Variants in SMAGP observed in about 807,000 individuals in gnomAD.
SMAGP encodes small cell adhesion glycoprotein.
SMAGP carries 7 observed loss-of-function variants against 10.1 expected under a neutral mutation model. The observed-to-expected ratio is 0.70, with a 90% CI of 0.40 to 1.31. SMAGP has a LOEUF of 1.31. Among genes scored for constraint, SMAGP ranks in the 50% most tolerant of loss-of-function variants. SMAGP has a pLI of 0.01. For synonymous variants in SMAGP, 49 were observed against 47.2 expected, an observed-to-expected ratio of 1.04 and a Z score of -0.16; for missense variants, 113 against 116.5, an observed-to-expected ratio of 0.97 and a Z score of 0.14.
intron 2 of SMAGP, among the ~76,000 whole-genome samples, chr12:51,252,581 CA>C (rs1198672518): frequency 6.6e-6 from 1 of 151,954 alleles, no homozygotes; most frequent in Non-Finnish European, 1.5e-5. Context: ...TTAGTAGAGA[CA>C]GTTTTGCCAT....
chr12:51,261,604 C>T (rs1176674008), intron 2 of SMAGP, among the ~76,000 whole-genome samples: 2 of 152,124 alleles, frequency 1.3e-5, no homozygotes, highest in Admixed American at 6.6e-5. Flanking sequence ...ACAAAAGCTA[C>T]GTAGCATCTT....
intron 2 of SMAGP, among the ~76,000 whole-genome samples, chr12:51,267,685 G>C (rs1420188740): frequency 6.6e-6 from 1 of 151,898 alleles, no homozygotes; most frequent in African/African-American, 2.4e-5. Flanking sequence ...TGTAGAGATG[G>C]GGTTTCGCCA....
intron 2 of SMAGP, among the ~76,000 whole-genome samples, chr12:51,266,569 T>C (rs545534661): frequency 5.8e-4 from 88 of 152,288 alleles, no homozygotes; most frequent in African/African-American, 2.0e-3. Context: ...TATTACAGTA[T>C]ATTGTTATAG....
chr12:51,269,186 TG>T, intron 2 of SMAGP, 58 bp downstream of exon 2: 1 of 1,597,828 alleles, frequency 6.3e-7, no homozygotes, highest in East Asian at 2.2e-5. Context: ...AGGACTGGTC[TG>T]GGGAAGGGGA....
In SMAGP at chr12:51,245,857, G is replaced by A; in HGVS notation, c.*84C>T. On this transcript the variant is annotated 3_prime_UTR_variant, in exon 4 of 4. Coordinates refer to ENST00000603798, the MANE Select transcript of SMAGP (RefSeq NM_001031628.2). ...CCCACATCAATCAATGCTTCTCCCT[G>A]GCTTCAGAGAAAACTTTCCCATAAT... 1 of 1,467,794 alleles carries A rather than the reference G, an allele frequency of 6.8e-7. No individual in the cohort carries two copies. The highest frequency in any genetic ancestry group is 9.2e-7 in the Non-Finnish European group (1 of 1,087,510). 90.9% of individuals were successfully genotyped at this position (1,467,794 alleles called of 1,614,324 possible).
chr12:51,269,266 G>T lies in SMAGP; in HGVS notation c.13C>A (p.Leu5Met). ...CTACCTCTTGGAGAAGGAGTAGTCA[G>T]GAGGCTGGTCATTGTCACTAGTGGT... is the stretch of plus-strand genomic sequence containing the variant. MTSLLTTPSPREELM... is the reference protein window; with the variant it reads MTSLMTTPSPREELM... The change falls in exon 2 of 4, where the codon CTG becomes ATG. Residue 5 changes from leucine (L) to methionine (M), a missense_variant. Leu to Met is a conservative substitution (Grantham distance 15). Coordinates refer to ENST00000603798, the MANE Select transcript of SMAGP (RefSeq NM_001031628.2). 6.2e-7 allele frequency: 1 copy of T among 1,613,962 alleles called. No individual in the cohort carries two copies. Among genetic ancestry groups the T allele is most frequent in the Non-Finnish European group, 8.5e-7 (1 of 1,179,836 alleles).
At chr12:51,248,565 T>G (rs1944807475) in intron 2 of SMAGP, among the ~76,000 whole-genome samples, 1 of 151,994 alleles carries the variant, frequency 6.6e-6, no homozygotes. Context: ...GGAGCGGGCC[T>G]CAGGAAACAG....
intron 2 of SMAGP, among the ~76,000 whole-genome samples, chr12:51,261,074 C>T (rs1009806689): frequency 6.7e-6 from 1 of 149,138 alleles, no homozygotes; most frequent in Non-Finnish European, 1.5e-5. Context: ...CAGGTGTGAG[C>T]CACCGTGCCC....
chr12:51,267,682 A>G (rs1944988437), intron 2 of SMAGP, among the ~76,000 whole-genome samples: 1 of 151,766 alleles, frequency 6.6e-6, no homozygotes, highest in African/African-American at 2.4e-5. Context: ...TTTTGTAGAG[A>G]TGGGGTTTCG....
At chr12:51,247,243 T>C (rs1944785537) in intron 2 of SMAGP, among the ~76,000 whole-genome samples, 1 of 58,192 alleles carries the variant, frequency 1.7e-5, no homozygotes, top group East Asian at 9.6e-4. Context: ...TAGGAATGCA[T>C]ATTTTTACAA....
intron 2 of SMAGP, among the ~76,000 whole-genome samples, chr12:51,251,174 C>T (rs952904467): frequency 6.6e-6 from 1 of 152,176 alleles, no homozygotes; most frequent in Non-Finnish European, 1.5e-5. Flanking sequence ...TAGCTCACGC[C>T]TGTAATCCCA....
At chr12:51,258,768 T>C (rs923360685) in intron 2 of SMAGP, among the ~76,000 whole-genome samples, 2 of 152,078 alleles carry the variant, frequency 1.3e-5, no homozygotes, top group African/African-American at 2.4e-5. Context: ...CCTTTTTGAA[T>C]TGATAGTTAT....
At chr12:51,263,775 A>C (rs1247634986) in intron 2 of SMAGP, among the ~76,000 whole-genome samples, 3 of 152,216 alleles carry the variant, frequency 2.0e-5, no homozygotes, top group Non-Finnish European at 4.4e-5. Flanking sequence ...CTTATGCACT[A>C]GGCACAACAG....
At chr12:51,267,707 C>G (rs1944988680) in intron 2 of SMAGP, among the ~76,000 whole-genome samples, 1 of 152,080 alleles carries the variant, frequency 6.6e-6, no homozygotes, top group Non-Finnish European at 1.5e-5. Context: ...GTTGCCCAGG[C>G]TGATCTCGAA....
At chr12:51,263,308 G>A (rs1313764386) in intron 2 of SMAGP, among the ~76,000 whole-genome samples, 4 of 151,740 alleles carry the variant, frequency 2.6e-5, no homozygotes, top group Admixed American at 6.6e-5. Context: ...GCTTGAACCC[G>A]GGAGGCAGAG....
intron 2 of SMAGP, among the ~76,000 whole-genome samples, chr12:51,254,975 G>A (rs1944872993): frequency 6.6e-6 from 1 of 152,188 alleles, no homozygotes; most frequent in Admixed American, 6.5e-5. Context: ...TTTTCAGGGA[G>A]TGAGGTGGGA....
intron 2 of SMAGP, among the ~76,000 whole-genome samples, chr12:51,255,644 GA>G (rs1168643940): frequency 5.9e-5 from 9 of 152,218 alleles, no homozygotes; most frequent in African/African-American, 2.2e-4. Context: ...TTGAAACAGG[GA>G]TTGATTTGAA....
chr12:51,264,714 C>G (rs1045190832), intron 2 of SMAGP, among the ~76,000 whole-genome samples: 2 of 151,396 alleles, frequency 1.3e-5, no homozygotes, highest in Admixed American at 1.3e-4. Context: ...GGCGGATTGC[C>G]TGAGCTCAGG....
intron 2 of SMAGP, among the ~76,000 whole-genome samples, chr12:51,259,931 T>G (rs1944917099): frequency 6.6e-6 from 1 of 152,062 alleles, no homozygotes; most frequent in Non-Finnish European, 1.5e-5. Flanking sequence ...CCCACGCTGG[T>G]CTTGAACTCC....
Sources: allele counts gnomAD v4.1 joint callset (sites outside exome capture counted in the v4.1 genomes callset), GRCh38; gene constraint gnomAD v4.1.1; transcripts MANE v1.5; gene names NCBI Gene and HGNC (gene_info 2026-07-23, HGNC 2026-07-21).